The following TRPC3 variants were observed in gnomAD, a reference collection of about 807,000 sequenced individuals.
TRPC3 encodes transient receptor potential cation channel subfamily C member 3.
In TRPC3, 54 loss-of-function variants were observed where a neutral mutation model predicts 90.9. The ratio of observed to expected loss-of-function variants is 0.59; its 90% CI spans 0.48 to 0.75. TRPC3 has a LOEUF of 0.75. TRPC3 is among the 30% of genes least tolerant of loss of function. The pLI is 0.00. For missense variants in TRPC3, 918 were observed against 1,194.5 expected (o/e 0.77, Z 3.41); for synonymous variants, 424 against 450.9 (o/e 0.94, Z 0.75).
chr4:121,894,565 T>TG (rs1560689526), intron 10 of TRPC3, among the ~76,000 whole-genome samples: 1 of 135,402 alleles, frequency 7.4e-6, no homozygotes, highest in Non-Finnish European at 1.6e-5. Context: ...GTTTTTTTTT[T>TG]TTTTTTTTTT....
chr4:121,901,841 T>C (rs1020973789), intron 9 of TRPC3, among the ~76,000 whole-genome samples: 5 of 152,142 alleles, frequency 3.3e-5, no homozygotes, highest in Non-Finnish European at 4.4e-5. Context: ...ACTACATACA[T>C]GAGGTATTAT....
At chr4:121,940,258 T>C in intron 1 of TRPC3, among the ~76,000 whole-genome samples, 1 of 152,232 alleles carries the variant, frequency 6.6e-6, no homozygotes, top group East Asian at 1.9e-4. Flanking sequence ...AATTGCTTAA[T>C]TGACTTAATT....
Position 121,877,828 on chromosome 4 carries a change from C to A in TRPC3, c.*1908G>T, listed in dbSNP as rs1030943204. Among the ~76,000 whole-genome samples, 5 of 148,234 alleles carry A rather than the reference C, an allele frequency of 3.4e-5. No individual in the cohort carries two copies. Among genetic ancestry groups the A allele is most frequent in the East Asian group, 2.0e-4 (1 of 5,068 alleles). Reference sequence around the variant, plus strand: ...GCTTTTTATCCACATGGTGTGGATACCATGAGGCTTATCTTCATACTTCTC... The same window carrying A: ...GCTTTTTATCCACATGGTGTGGATAACATGAGGCTTATCTTCATACTTCTC... On this transcript the variant is annotated 3_prime_UTR_variant, in exon 12 of 12. Coordinates refer to ENST00000379645, the MANE Select transcript of TRPC3 (RefSeq NM_001130698.2).
intron 6 of TRPC3, among the ~76,000 whole-genome samples, chr4:121,908,768 G>T (rs897754634): frequency 6.6e-6 from 1 of 152,096 alleles, no homozygotes; most frequent in African/African-American, 2.4e-5. Context: ...TTGGGTATAT[G>T]CTCAGTACCC....
chr4:121,925,703 C>T (rs546251724), intron 2 of TRPC3, among the ~76,000 whole-genome samples: 6 of 152,144 alleles, frequency 3.9e-5, no homozygotes, highest in African/African-American at 4.8e-5. Flanking sequence ...CTCACTACCA[C>T]AAAAAGTAAC....
chr4:121,898,020 G>A (rs1728578593), intron 10 of TRPC3, among the ~76,000 whole-genome samples: 1 of 152,082 alleles, frequency 6.6e-6, no homozygotes, highest in African/African-American at 2.4e-5. Context: ...TGGAACTGGA[G>A]GACATTATGT....
At chr4:121,930,844 A>AC (rs1352604184) in intron 2 of TRPC3, 2 of 401,886 alleles carry the variant, frequency 5.0e-6, no homozygotes, top group Non-Finnish European at 9.5e-6. Flanking sequence ...AAAAAAAAAA[A>AC]AAAAAAAAAC....
At chr4:121,913,128 A>G (rs928725941) in intron 4 of TRPC3, among the ~76,000 whole-genome samples, 14 of 152,254 alleles carry the variant, frequency 9.2e-5, no homozygotes, top group African/African-American at 2.9e-4. Flanking sequence ...GAATGCACAC[A>G]GACGAATGTC....
chr4:121,888,715 T>C (rs1728220034), intron 10 of TRPC3, among the ~76,000 whole-genome samples: 1 of 152,150 alleles, frequency 6.6e-6, no homozygotes, highest in South Asian at 2.1e-4. Flanking sequence ...TGTAATAGTT[T>C]TAAAGGTAAG....
intron 1 of TRPC3, among the ~76,000 whole-genome samples, chr4:121,937,144 C>T (rs1175680144): frequency 2.0e-5 from 3 of 152,190 alleles, no homozygotes; most frequent in East Asian, 1.9e-4. Flanking sequence ...TGAGTACCAC[C>T]TGCCTCAAGG....
intron 11 of TRPC3, 62 bp from the exon 12 acceptor site, chr4:121,879,940 G>A (rs1727885733): frequency 2.8e-6 from 4 of 1,436,148 alleles, no homozygotes; most frequent in South Asian, 1.5e-5. Context: ...AATGAACAAA[G>A]AGTGAAATTC....
intron 10 of TRPC3, among the ~76,000 whole-genome samples, chr4:121,887,364 C>T (rs946650854): frequency 2.0e-5 from 3 of 152,202 alleles, no homozygotes; most frequent in Admixed American, 2.0e-4. Context: ...TGCCATTCTA[C>T]TTCAATGGAG....
intron 1 of TRPC3, among the ~76,000 whole-genome samples, chr4:121,949,067 A>C (rs1480060518): frequency 6.6e-6 from 1 of 152,024 alleles, no homozygotes; most frequent in East Asian, 1.9e-4. Flanking sequence ...TTGAATTGAG[A>C]CTCATGAAAA....
intron 9 of TRPC3, among the ~76,000 whole-genome samples, chr4:121,900,736 A>G (rs1408494188): frequency 2.0e-5 from 3 of 152,232 alleles, no homozygotes; most frequent in Non-Finnish European, 2.9e-5. Flanking sequence ...GAATATGAGT[A>G]ATATTAAAGA....
At chr4:121,883,847 T>C (rs1363411212) in intron 10 of TRPC3, among the ~76,000 whole-genome samples, 1 of 152,156 alleles carries the variant, frequency 6.6e-6, no homozygotes, top group Admixed American at 6.5e-5. Flanking sequence ...GCTGGAGCTA[T>C]AGACATGACC....
chr4:121,926,398 AT>A (rs200429260), intron 2 of TRPC3, among the ~76,000 whole-genome samples: 1 of 139,790 alleles, frequency 7.2e-6, no homozygotes, highest in Non-Finnish European at 1.5e-5. Flanking sequence ...ATGATTTTCT[AT>A]TTTTTTGTTT....
chr4:121,939,127 GC>G (rs1220983908), intron 1 of TRPC3, among the ~76,000 whole-genome samples: 1 of 152,088 alleles, frequency 6.6e-6, no homozygotes, highest in East Asian at 1.9e-4. Context: ...CAGGATCTTT[GC>G]CCTGGTTGAC....
rs200424777 is a variant in TRPC3, at chr4:121,932,464, T to C, written c.794A>G (p.Tyr265Cys). 42 of 1,614,014 alleles carry C rather than the reference T, an allele frequency of 2.6e-5. No individual in the cohort carries two copies. The highest frequency in any genetic ancestry group is 3.4e-5 in the Non-Finnish European group (40 of 1,180,030). The change falls in exon 2 of 12, where the codon TAT becomes TGT. Residue 265 changes from tyrosine (Y) to cysteine (C), a missense_variant. Tyr to Cys is a radical substitution (Grantham distance 194). Coordinates refer to ENST00000379645, the MANE Select transcript of TRPC3 (RefSeq NM_001130698.2). This position sits in a 1 kb window ranked among gnomAD's most constrained non-coding sequence, Gnocchi z 7.7. ...CATGCAGTCCCCGCACTTGCAGAAA[T>C]AGTCGTGCGGCCGCTCGATCCTGGC... ...KGARIERPHD[Y>C]FCKCGDCMEK...
At chr4:121,949,939 A>G (rs925245064) in intron 1 of TRPC3, among the ~76,000 whole-genome samples, 1 of 152,150 alleles carries the variant, frequency 6.6e-6, no homozygotes. Flanking sequence ...TGTAGTCAGG[A>G]TTTAAGGTTT....
Sources: allele counts gnomAD v4.1 joint callset (sites outside exome capture counted in the v4.1 genomes callset), GRCh38; gene constraint gnomAD v4.1.1; non-coding constraint Gnocchi (gnomAD v3.1); transcripts MANE v1.5; gene names NCBI Gene and HGNC (gene_info 2026-07-23, HGNC 2026-07-21).